The following VWC2L variants were observed in gnomAD, a reference collection of about 807,000 sequenced individuals.
VWC2L encodes the protein von Willebrand factor C domain containing 2 like, also known as von Willebrand factor C domain-containing protein 2-like.
In VWC2L, 10 loss-of-function variants were observed where a neutral mutation model predicts 21.6. That is an observed-to-expected ratio of 0.46 (90% CI 0.29 to 0.78). The LOEUF (loss-of-function observed/expected upper bound fraction) is 0.78. VWC2L is among the 30% of genes least tolerant of loss of function. The pLI is 0.10. For synonymous variants in VWC2L, 96 were observed against 94.3 expected (o/e 1.02, Z -0.10); for missense variants, 209 against 277.1 (o/e 0.75, Z 1.74).
intron 3 of VWC2L, among the ~76,000 whole-genome samples, chr2:214,481,144 A>G (rs1484850775): frequency 6.6e-6 from 1 of 152,148 alleles, no homozygotes; most frequent in South Asian, 2.1e-4. Context: ...TCCCTTTTCA[A>G]TGTGACTCTG....
chr2:214,500,135 C>T (rs999108315), intron 3 of VWC2L, among the ~76,000 whole-genome samples: 9 of 152,200 alleles, frequency 5.9e-5, no homozygotes, highest in Non-Finnish European at 1.2e-4. Flanking sequence ...CTAACATATA[C>T]ACACATAAGA....
chr2:214,560,150 G>C (rs571826296), intron 3 of VWC2L, among the ~76,000 whole-genome samples: 1 of 152,184 alleles, frequency 6.6e-6, no homozygotes, highest in African/African-American at 2.4e-5. Context: ...CAGCCAGTTA[G>C]TTTATGCATT....
intron 3 of VWC2L, among the ~76,000 whole-genome samples, chr2:214,463,583 G>T (rs1055553909): frequency 2.6e-5 from 4 of 151,946 alleles, no homozygotes; most frequent in African/African-American, 9.7e-5. Context: ...TTGATACATG[G>T]TTTAAATTTA....
chr2:214,414,062 C>A (rs939959812), intron 1 of VWC2L, 52 bp from the exon 2 acceptor site: 7 of 1,031,022 alleles, frequency 6.8e-6, no homozygotes, highest in Admixed American at 6.1e-5. Context: ...TTAAATGAAT[C>A]TATCTTCACT....
At chr2:214,482,524 T>C (rs1688617565) in intron 3 of VWC2L, among the ~76,000 whole-genome samples, 1 of 149,580 alleles carries the variant, frequency 6.7e-6, no homozygotes, top group Non-Finnish European at 1.5e-5. Flanking sequence ...TATATGTGTG[T>C]ATCTATATAT....
intron 3 of VWC2L, among the ~76,000 whole-genome samples, chr2:214,451,860 TTAAA>T (rs1039564377): frequency 4.6e-5 from 7 of 152,264 alleles, no homozygotes; most frequent in Admixed American, 1.3e-4. Context: ...ATTTTCATTT[TTAAA>T]TAATTCTATC....
intron 3 of VWC2L, among the ~76,000 whole-genome samples, chr2:214,497,399 C>G (rs1688827465): frequency 6.6e-6 from 1 of 152,150 alleles, no homozygotes; most frequent in Non-Finnish European, 1.5e-5. Flanking sequence ...CCTCTCTTGC[C>G]TCTCTAAATT....
At chr2:214,571,269 A>T (rs1428670520) in intron 3 of VWC2L, among the ~76,000 whole-genome samples, 2 of 152,178 alleles carry the variant, frequency 1.3e-5, no homozygotes, top group African/African-American at 4.8e-5. Flanking sequence ...TCTATTTCAG[A>T]GAGATATGAA....
At chr2:214,441,371 T>C (rs976804285) in intron 3 of VWC2L, among the ~76,000 whole-genome samples, 4 of 151,848 alleles carry the variant, frequency 2.6e-5, no homozygotes, top group African/African-American at 9.7e-5. Flanking sequence ...ATAAAGGAAA[T>C]TTACATAAGA....
At chr2:214,455,370 A>T (rs1703040930) in intron 3 of VWC2L, among the ~76,000 whole-genome samples, 3 of 152,124 alleles carry the variant, frequency 2.0e-5, no homozygotes, top group Admixed American at 2.0e-4. Context: ...CCCTTAGTAA[A>T]CTTTTAATAT....
intron 3 of VWC2L, among the ~76,000 whole-genome samples, chr2:214,515,822 T>C (rs1379328269): frequency 6.6e-6 from 1 of 152,324 alleles, no homozygotes; most frequent in East Asian, 1.9e-4. Flanking sequence ...CCCAAAGTGC[T>C]GGGATTACAG....
intron 3 of VWC2L, among the ~76,000 whole-genome samples, chr2:214,567,616 A>AGAGAGT (rs58623471): frequency 6.8e-6 from 1 of 147,842 alleles, no homozygotes; most frequent in South Asian, 2.1e-4. Context: ...AGAGAGAGAG[A>AGAGAGT]TAATTAAAAC....
chr2:214,420,346 G>C (rs919748697), intron 2 of VWC2L, among the ~76,000 whole-genome samples: 3 of 152,056 alleles, frequency 2.0e-5, no homozygotes, highest in Admixed American at 6.6e-5. Flanking sequence ...AAAATGGAAG[G>C]CAACATGTTC....
intron 3 of VWC2L, among the ~76,000 whole-genome samples, chr2:214,465,799 C>T (rs1436782257): frequency 6.6e-6 from 1 of 152,146 alleles, no homozygotes; most frequent in African/African-American, 2.4e-5. Flanking sequence ...TTCCTACTGT[C>T]GAGATGGGCA....
intron 3 of VWC2L, among the ~76,000 whole-genome samples, chr2:214,557,159 G>A (rs910998206): frequency 6.6e-6 from 1 of 152,126 alleles, no homozygotes; most frequent in African/African-American, 2.4e-5. Context: ...ACCCGAGACT[G>A]GGTAATTTAT....
chr2:214,462,770 G>GA (rs1703161240), intron 3 of VWC2L, among the ~76,000 whole-genome samples: 1 of 151,954 alleles, frequency 6.6e-6, no homozygotes, highest in African/African-American at 2.4e-5. Flanking sequence ...TTCTAATACC[G>GA]TAAGCTTTTC....
chr2:214,522,906 G>T (rs1689267168), intron 3 of VWC2L, among the ~76,000 whole-genome samples: 1 of 152,106 alleles, frequency 6.6e-6, no homozygotes, highest in Non-Finnish European at 1.5e-5. Flanking sequence ...AAGAATATTT[G>T]TATGAGAGGA....
At chr2:214,522,903 T>C (rs975401480) in intron 3 of VWC2L, among the ~76,000 whole-genome samples, 8 of 152,254 alleles carry the variant, frequency 5.3e-5, no homozygotes, top group Non-Finnish European at 8.8e-5. Flanking sequence ...ATAAAGAATA[T>C]TTGTATGAGA....
chr2:214,538,786 G>A (rs966415686), intron 3 of VWC2L, among the ~76,000 whole-genome samples: 1 of 151,948 alleles, frequency 6.6e-6, no homozygotes, highest in African/African-American at 2.4e-5. Context: ...TTCACATTTT[G>A]ATACCGTACT....
Sources: allele counts gnomAD v4.1 joint callset (sites outside exome capture counted in the v4.1 genomes callset), GRCh38; gene constraint gnomAD v4.1.1; transcripts MANE v1.5; gene names NCBI Gene and HGNC (gene_info 2026-07-23, HGNC 2026-07-21).